Variants in SLC24A2 observed in about 807,000 individuals in gnomAD.
The protein encoded by SLC24A2 is sodium/potassium/calcium exchanger 2.
SLC24A2 carries 36 observed loss-of-function variants against 62.0 expected under a neutral mutation model. That is an observed-to-expected ratio of 0.58 (90% CI 0.44 to 0.77). The LOEUF is 0.77. Ranked by LOEUF, SLC24A2 falls within the 30% of genes least tolerant of loss-of-function variation. SLC24A2 has a pLI of 0.00. For synonymous variants in SLC24A2, 358 were observed against 294.0 expected (o/e 1.22, Z -2.23); for missense variants, 846 against 817.9 (o/e 1.03, Z -0.42).
At chr9:20,003,575 A>T in the SLC24A2 span, among the ~76,000 whole-genome samples, 1 of 152,038 alleles carries the variant, frequency 6.6e-6, no homozygotes, top group Non-Finnish European at 1.5e-5. Flanking sequence ...ATGTTCAAAA[A>T]CGGGGTATGA....
the SLC24A2 span, among the ~76,000 whole-genome samples, chr9:19,931,143 T>G: frequency 1.3e-5 from 2 of 152,096 alleles, no homozygotes; most frequent in African/African-American, 4.8e-5. Context: ...ACAATATCAA[T>G]AGCTAAAATC....
the SLC24A2 span, among the ~76,000 whole-genome samples, chr9:20,242,423 G>C: frequency 1.3e-5 from 2 of 152,184 alleles, no homozygotes; most frequent in African/African-American, 2.4e-5. Flanking sequence ...AACTGCAAAC[G>C]AGGAAATCCA....
chr9:20,233,983 C>T, the SLC24A2 span, among the ~76,000 whole-genome samples: 65 of 152,184 alleles, frequency 4.3e-4, no homozygotes, highest in Middle Eastern at 6.8e-3. Context: ...CCTTCACTTA[C>T]GAAGCTTAGT....
the SLC24A2 span, among the ~76,000 whole-genome samples, chr9:19,811,674 T>C: frequency 1.3e-5 from 2 of 152,158 alleles, no homozygotes; most frequent in African/African-American, 4.8e-5. Flanking sequence ...GCGTGCATCC[T>C]CAATTAATTT....
chr9:20,001,613 G>A, the SLC24A2 span, among the ~76,000 whole-genome samples: 1 of 152,144 alleles, frequency 6.6e-6, no homozygotes, highest in African/African-American at 2.4e-5. Context: ...TGAGTTTGGT[G>A]GATATTCATC....
the SLC24A2 span, among the ~76,000 whole-genome samples, chr9:20,160,390 T>C: frequency 1.3e-5 from 2 of 151,308 alleles, no homozygotes; most frequent in East Asian, 3.9e-4. Flanking sequence ...TTAGGTCAAG[T>C]GGACAAAAAA....
chr9:19,927,999 C>G, the SLC24A2 span: 1 of 152,408 alleles, frequency 6.6e-6, no homozygotes, highest in Non-Finnish European at 1.5e-5. Flanking sequence ...CATTGTTTTC[C>G]TGGCAGCAGC....
chr9:20,276,126 G>A, the SLC24A2 span, among the ~76,000 whole-genome samples: 4 of 152,120 alleles, frequency 2.6e-5, no homozygotes, highest in Non-Finnish European at 4.4e-5. Flanking sequence ...GTCCCCCAAA[G>A]TCTTAACTCA....
the SLC24A2 span, among the ~76,000 whole-genome samples, chr9:19,947,398 G>GGGAAGGAA: frequency 6.9e-6 from 1 of 145,686 alleles, no homozygotes; most frequent in Non-Finnish European, 1.5e-5. Context: ...GAAGAAAGAA[G>GGGAAGGAA]GGAAGGAAGG....
chr9:20,113,762 A>G, the SLC24A2 span, among the ~76,000 whole-genome samples: 1 of 152,212 alleles, frequency 6.6e-6, no homozygotes. Flanking sequence ...TTCATAAACT[A>G]TAATGCTTTG....
intron 2 of SLC24A2, among the ~76,000 whole-genome samples, chr9:19,708,789 A>C (rs13286434): frequency 0.33 from 49,424 of 151,978 alleles, 8,589 homozygotes; most frequent in African/African-American, 0.45. Flanking sequence ...GTTAGACCTA[A>C]AACCATAAAA....
intron 5 of SLC24A2, among the ~76,000 whole-genome samples, chr9:19,590,588 G>A (rs1836522078): frequency 6.6e-6 from 1 of 152,048 alleles, no homozygotes; most frequent in Non-Finnish European, 1.5e-5. Context: ...ATTCATTCCT[G>A]AAGATCGTAG....
intron 8 of SLC24A2, among the ~76,000 whole-genome samples, chr9:19,531,700 C>G (rs1194671604): frequency 7.1e-6 from 1 of 140,868 alleles, no homozygotes; most frequent in Non-Finnish European, 1.5e-5. Flanking sequence ...AGACCCCCCC[C>G]CACCCCCCAA....
the SLC24A2 span, among the ~76,000 whole-genome samples, chr9:20,098,141 C>G: frequency 1.3e-5 from 2 of 152,144 alleles, no homozygotes; most frequent in African/African-American, 4.8e-5. Context: ...GAGAAGGTTA[C>G]TTAGCTATCA....
chr9:19,662,394 G>A (rs545994733), intron 2 of SLC24A2, among the ~76,000 whole-genome samples: 8 of 152,142 alleles, frequency 5.3e-5, no homozygotes, highest in Non-Finnish European at 8.8e-5. Context: ...ACACTGGACC[G>A]CATGTTCTGA....
chr9:19,739,568 A>T (rs2118758233), intron 2 of SLC24A2, among the ~76,000 whole-genome samples: 1 of 152,330 alleles, frequency 6.6e-6, no homozygotes, highest in South Asian at 2.1e-4. Flanking sequence ...CAGTGAGGAA[A>T]TAATAATCTT....
chr9:19,636,386 T>TCTTTCTTTCTTCCTCCCTCCCTCCCTCC (rs1554690439), intron 2 of SLC24A2, among the ~76,000 whole-genome samples: 7 of 23,396 alleles, frequency 3.0e-4, no homozygotes, highest in African/African-American at 1.1e-3. Flanking sequence ...TTTCTTTCTT[T>TCTTTCTTTCTTCCTCCCTCCCTCCCTCC]CTCCCTCTCT....
At chr9:20,061,810 C>T in the SLC24A2 span, among the ~76,000 whole-genome samples, 1 of 151,382 alleles carries the variant, frequency 6.6e-6, no homozygotes, top group African/African-American at 2.4e-5. Context: ...AAAGCACAAG[C>T]CATTAAAAAA....
intron 2 of SLC24A2, among the ~76,000 whole-genome samples, chr9:19,754,200 A>C (rs1000548311): frequency 6.6e-6 from 1 of 152,176 alleles, no homozygotes; most frequent in Non-Finnish European, 1.5e-5. Context: ...GGTAGAAGAA[A>C]GGATCCGCCT....
Sources: gnomAD v4.1 joint callset for allele counts (sites outside exome capture counted in the v4.1 genomes callset) on GRCh38, gnomAD v4.1.1 for gene constraint, MANE v1.5 for transcripts, NCBI Gene and HGNC (gene_info 2026-07-23, HGNC 2026-07-21) for gene names.